Variants in SAP130 observed in about 807,000 individuals in gnomAD.
SAP130 encodes the protein histone deacetylase complex subunit SAP130.
SAP130 carries 16 observed loss-of-function variants against 103.2 expected under a neutral mutation model. The observed-to-expected ratio is 0.16, with a 90% confidence interval of 0.10 to 0.24. The LOEUF (loss-of-function observed/expected upper bound fraction) is 0.24. Among genes scored for constraint, SAP130 ranks in the 10% least tolerant of loss-of-function variants. SAP130 has a pLI of 1.00. For missense variants in SAP130, 990 were observed against 1,359.7 expected (o/e 0.73, Z 4.28); for synonymous variants, 477 against 497.0 (o/e 0.96, Z 0.53).
chr2:128,000,284 T>C, intron 8 of SAP130, 23 bp downstream of exon 8: 1 of 1,614,040 alleles, frequency 6.2e-7, no homozygotes. Context: ...AGTACACAGG[T>C]GGTTCTCCAC....
At chr2:127,976,610 TTTAAG>T (rs1480240864) in intron 15 of SAP130, among the ~76,000 whole-genome samples, 1 of 152,220 alleles carries the variant, frequency 6.6e-6, no homozygotes, top group East Asian at 1.9e-4. Context: ...TAAGATCTCT[TTTAAG>T]AATCTATCAA....
chr2:127,972,615 A>G (rs2104884956), intron 15 of SAP130, among the ~76,000 whole-genome samples: 1 of 152,250 alleles, frequency 6.6e-6, no homozygotes, highest in South Asian at 2.1e-4. Context: ...AAAATTAGCC[A>G]GGTGTGATGG....
intron 10 of SAP130, among the ~76,000 whole-genome samples, chr2:127,998,173 G>C (rs187716774): frequency 2.0e-5 from 3 of 151,486 alleles, no homozygotes; most frequent in Admixed American, 2.0e-4. Context: ...GAACTATATA[G>C]CACAGAAAAC....
rs1682381907 is a variant in SAP130, at chr2:127,986,274, C to G, written c.1958+511G>C. ...AGCTGTAAACATTCACCTCTAGACA[C>G]TGCTGTAGGGTTGGAGCGACACAGC... On this transcript the variant is annotated intron_variant, in intron 14 of 20. Coordinates refer to ENST00000643581, the MANE Select transcript of SAP130 (RefSeq NM_001330301.2). This position sits in a 1 kb window ranked among gnomAD's most constrained non-coding sequence, Gnocchi z 4.7. 6.6e-6 allele frequency among the ~76,000 whole-genome samples: 1 copy of G among 152,220 alleles called. No individual in the cohort carries two copies. The highest frequency in any genetic ancestry group is 6.5e-5 in the Admixed American group (1 of 15,292).
At chr2:127,973,020 A>T (rs529922796) in intron 15 of SAP130, among the ~76,000 whole-genome samples, 1 of 152,272 alleles carries the variant, frequency 6.6e-6, no homozygotes, top group South Asian at 2.1e-4. Context: ...TCAGAACATC[A>T]CACAGTATAG....
chr2:128,004,871 C>T (rs750876440), intron 7 of SAP130, among the ~76,000 whole-genome samples: 2 of 152,110 alleles, frequency 1.3e-5, no homozygotes, highest in Non-Finnish European at 2.9e-5. Flanking sequence ...TATCCAAACC[C>T]AGTATATAGT....
chr2:127,945,280 T>C (rs987858675), intron 19 of SAP130, among the ~76,000 whole-genome samples, 176 bp downstream of exon 19: 2 of 152,244 alleles, frequency 1.3e-5, no homozygotes, highest in African/African-American at 4.8e-5. Context: ...TATTTCAATT[T>C]TAATCACATG....
chr2:128,020,806 A>C lies in SAP130; in HGVS notation c.113-2891T>G, dbSNP rs139854848. On this transcript the variant is annotated intron_variant, in intron 2 of 20. Coordinates refer to ENST00000643581, the MANE Select transcript of SAP130 (RefSeq NM_001330301.2). The stretch of plus-strand genomic sequence containing the variant: ...CTGAGGTCAGGAGTTCAAGACCATC[A>C]TCCAACATGGTGAAACCCCGTCTCC... Among the ~76,000 whole-genome samples the C allele has an allele frequency of 6.8e-3, 1,026 of 151,762 alleles. 12 individuals are homozygous for C. The highest frequency in any genetic ancestry group is 0.024 in the African/African-American group (981 of 41,390).
intron 7 of SAP130, among the ~76,000 whole-genome samples, chr2:128,009,984 A>ACCC (rs1684267110): frequency 6.6e-6 from 1 of 151,914 alleles, no homozygotes; most frequent in Non-Finnish European, 1.5e-5. Context: ...TGCACCACCC[A>ACCC]CCCTGTCACT....
chr2:127,978,046 C>T lies in SAP130; in HGVS notation c.2002G>A (p.Val668Ile). The T allele has an allele frequency of 6.4e-7, 1 of 1,551,852 alleles. No individual in the cohort carries two copies. The highest frequency in any genetic ancestry group is 8.7e-7 in the Non-Finnish European group (1 of 1,147,004). ...GAGCTTTCCACTCGAGGACTAGCAA[C>T]ATCAGGAGGCTGAGGAGGAATGAGG... ...KTLIPPQPPD[V>I]ASPRVESSMR... The change falls in exon 15 of 21, where the codon GTT becomes ATT. Residue 668 changes from valine (V) to isoleucine (I), a missense_variant. This residue lies in a region of SAP130 where 349 missense variants were observed against 384.1 expected (regional missense o/e 0.91). Transcript: ENST00000643581.
At chr2:127,985,505 C>T (rs1168479038) in intron 14 of SAP130, among the ~76,000 whole-genome samples, 2 of 152,190 alleles carry the variant, frequency 1.3e-5, no homozygotes. Context: ...TTAACTCAAA[C>T]AGCACAGCAC....
intron 14 of SAP130, among the ~76,000 whole-genome samples, chr2:127,985,463 A>C (rs534914053): frequency 6.6e-6 from 1 of 152,290 alleles, no homozygotes; most frequent in East Asian, 1.9e-4. Flanking sequence ...GCTCTCTGAA[A>C]CATGTCTGCT....
Position 127,989,790 on chromosome 2 carries a change from G to A in SAP130, c.1554C>T (p.Pro518=), listed in dbSNP as rs1362029593. Reference sequence around the variant, plus strand: ...ATGCATCCACTGTCATCAACTGCATGGGGTTTAGGTGGACGGTAGACGCTA... The same window carrying A: ...ATGCATCCACTGTCATCAACTGCATAGGGTTTAGGTGGACGGTAGACGCTA... ...VGVASTVHLN[P]MQLMTVDASH... Residue 518 remains proline, a synonymous_variant, in exon 13 of 21, where the codon CCC becomes CCT. Coordinates refer to ENST00000643581, the MANE Select transcript of SAP130 (RefSeq NM_001330301.2). This position sits in a 1 kb window ranked among gnomAD's most constrained non-coding sequence, Gnocchi z 4.6. The A allele has an allele frequency of 1.9e-6, 3 of 1,614,212 alleles. No homozygotes were observed. Among genetic ancestry groups the A allele is most frequent in the Non-Finnish European group, 2.5e-6 (3 of 1,180,050 alleles).
At chr2:127,951,938 G>C (rs1357888668) in intron 16 of SAP130, among the ~76,000 whole-genome samples, 1 of 152,050 alleles carries the variant, frequency 6.6e-6, no homozygotes, top group Non-Finnish European at 1.5e-5. Flanking sequence ...TGTTCATCAA[G>C]TCCCACCACC....
At chr2:128,016,106 A>G (rs1684758613) in intron 4 of SAP130, among the ~76,000 whole-genome samples, 1 of 152,002 alleles carries the variant, frequency 6.6e-6, no homozygotes, top group African/African-American at 2.4e-5. Flanking sequence ...GGACTCCTCA[A>G]GGACACGGAC....
At chr2:128,007,992 C>G (rs1388511495) in intron 7 of SAP130, among the ~76,000 whole-genome samples, 1 of 152,192 alleles carries the variant, frequency 6.6e-6, no homozygotes, top group Non-Finnish European at 1.5e-5. Context: ...TTTTGATTTT[C>G]ATTTACTCGG....
chr2:128,025,872 C>T (rs1237814021), intron 2 of SAP130, among the ~76,000 whole-genome samples: 2 of 152,188 alleles, frequency 1.3e-5, no homozygotes, highest in Non-Finnish European at 2.9e-5. Context: ...TTAAACACCT[C>T]TGGGCTCCCT....
At chr2:127,962,465 C>T (rs1273358580) in intron 15 of SAP130, among the ~76,000 whole-genome samples, 1 of 152,166 alleles carries the variant, frequency 6.6e-6, no homozygotes, top group Non-Finnish European at 1.5e-5. Flanking sequence ...ATAGCAAAGA[C>T]TCAGAACCAA....
At chr2:127,972,890 G>A (rs966204359) in intron 15 of SAP130, among the ~76,000 whole-genome samples, 3 of 152,104 alleles carry the variant, frequency 2.0e-5, no homozygotes, top group East Asian at 1.9e-4. Flanking sequence ...CTATGATCAC[G>A]CCACTGCACT....
Sources: gnomAD v4.1 joint callset for allele counts (sites outside exome capture counted in the v4.1 genomes callset) on GRCh38, gnomAD v4.1.1 for gene constraint, gnomAD v4.1.1 regional missense constraint, Gnocchi (gnomAD v3.1) non-coding constraint, MANE v1.5 for transcripts, NCBI Gene and HGNC (gene_info 2026-07-23, HGNC 2026-07-21) for gene names.